Variants in EXT1 observed in about 807,000 individuals in gnomAD.
EXT1 encodes exostosin glycosyltransferase 1.
EXT1 carries 20 observed loss-of-function variants against 82.5 expected under a neutral mutation model. The observed-to-expected ratio is 0.24, with a 90% CI of 0.17 to 0.35. The LOEUF is 0.35. EXT1 is among the 10% of genes least tolerant of loss of function. The pLI, the probability that EXT1 is intolerant of heterozygous loss-of-function variation, is 1.00. For synonymous variants in EXT1, 348 were observed against 350.8 expected, an observed-to-expected ratio of 0.99 and a Z score of 0.09; for missense variants, 757 against 936.5, an observed-to-expected ratio of 0.81 and a Z score of 2.50.
intron 1 of EXT1, among the ~76,000 whole-genome samples, chr8:117,889,291 G>C (rs1448314722): frequency 2.0e-5 from 3 of 152,144 alleles, no homozygotes; most frequent in African/African-American, 7.2e-5. Context: ...CTATTTCCTT[G>C]AGTTTTCTGT....
chr8:117,827,893 A>G (rs996049985), intron 4 of EXT1, among the ~76,000 whole-genome samples: 7 of 151,802 alleles, frequency 4.6e-5, no homozygotes, highest in African/African-American at 7.3e-5. Flanking sequence ...TTGAATCTGC[A>G]CAATAATTTG....
At chr8:117,968,888 C>T (rs1423877504) in intron 1 of EXT1, among the ~76,000 whole-genome samples, 4 of 152,092 alleles carry the variant, frequency 2.6e-5, no homozygotes, top group Non-Finnish European at 5.9e-5. Flanking sequence ...TTATTTAAAG[C>T]AGTAAATATT....
At chr8:117,829,132 C>T (rs762761615) in intron 4 of EXT1, among the ~76,000 whole-genome samples, 1 of 152,144 alleles carries the variant, frequency 6.6e-6, no homozygotes, top group Non-Finnish European at 1.5e-5. Flanking sequence ...ATCACCTCAA[C>T]GAAGATCTCT....
chr8:117,865,119 T>C (rs556203751), intron 1 of EXT1, among the ~76,000 whole-genome samples: 5 of 152,248 alleles, frequency 3.3e-5, no homozygotes, highest in African/African-American at 1.2e-4. Context: ...CTCTGTAAAT[T>C]TCACTTCCCA....
intron 1 of EXT1, among the ~76,000 whole-genome samples, chr8:117,850,702 T>G (rs1812438089): frequency 6.6e-6 from 1 of 152,210 alleles, no homozygotes; most frequent in African/African-American, 2.4e-5. Context: ...TTTGAAATTT[T>G]TAATACTTGG....
chr8:117,899,144 C>A (rs893894181), intron 1 of EXT1, among the ~76,000 whole-genome samples: 1 of 152,176 alleles, frequency 6.6e-6, no homozygotes, highest in African/African-American at 2.4e-5. Flanking sequence ...AGAAGATGGT[C>A]TTCAGAATAA....
chr8:117,997,754 C>T (rs1401104908), intron 1 of EXT1, among the ~76,000 whole-genome samples: 3 of 152,132 alleles, frequency 2.0e-5, no homozygotes, highest in Non-Finnish European at 4.4e-5. Flanking sequence ...TGAGCTCATT[C>T]TGATGATATT....
Position 117,805,015 on chromosome 8 carries a change from A to AATG in EXT1, c.1884-125_1884-123dup, listed in dbSNP as rs369846524. 9.0e-4 allele frequency: 762 copies of AATG among 843,864 alleles called. 5 individuals are homozygous for AATG. In the African/African-American group the frequency reaches 0.011, roughly 12 times the overall value. 52.3% of individuals were successfully genotyped at this position (843,864 alleles called of 1,614,324 possible). On this transcript the variant is annotated intron_variant, in intron 9 of 10. Transcript: ENST00000378204. ...TAAACATGTCATGAATGGTAATGATAATGATGATGATGATGACGATAACTA... is the reference window on the plus strand; with the variant it reads ...TAAACATGTCATGAATGGTAATGATAATGATGATGATGATGATGACGATAACTA...
chr8:117,934,514 TC>T (rs1197424817), intron 1 of EXT1, among the ~76,000 whole-genome samples: 1 of 152,208 alleles, frequency 6.6e-6, no homozygotes, highest in Non-Finnish European at 1.5e-5. Context: ...CAGAGGCAGT[TC>T]CCACTGGGGA....
At chr8:117,832,985 C>A (rs2129779366) in intron 3 of EXT1, among the ~76,000 whole-genome samples, 1 of 152,244 alleles carries the variant, frequency 6.6e-6, no homozygotes, top group South Asian at 2.1e-4. Context: ...ACAAGAAAGT[C>A]ACATTAAGCT....
At chr8:118,055,978 A>T (rs892261468) in intron 1 of EXT1, among the ~76,000 whole-genome samples, 2 of 152,202 alleles carry the variant, frequency 1.3e-5, no homozygotes, top group Non-Finnish European at 2.9e-5. Context: ...TAACACAGGG[A>T]TGTCCAATCT....
chr8:117,866,829 G>A (rs1390715532), intron 1 of EXT1, among the ~76,000 whole-genome samples: 1 of 139,782 alleles, frequency 7.2e-6, no homozygotes, highest in East Asian at 2.1e-4. Flanking sequence ...AGTGCATTTT[G>A]TTCTGTTCAC....
intron 1 of EXT1, among the ~76,000 whole-genome samples, chr8:117,962,578 G>A (rs756804781): frequency 9.9e-5 from 15 of 151,968 alleles, no homozygotes; most frequent in African/African-American, 1.7e-4. Flanking sequence ...ATGGTGAAAC[G>A]CCCATCTCTA....
chr8:117,969,555 T>C (rs1814896388), intron 1 of EXT1, among the ~76,000 whole-genome samples: 1 of 152,240 alleles, frequency 6.6e-6, no homozygotes, highest in South Asian at 2.1e-4. Context: ...TGGAGCTGTT[T>C]CAATGTATAA....
At chr8:117,853,846 C>T (rs1425271569) in intron 1 of EXT1, among the ~76,000 whole-genome samples, 1 of 152,208 alleles carries the variant, frequency 6.6e-6, no homozygotes, top group Admixed American at 6.5e-5. Flanking sequence ...GTTTGAATGC[C>T]TGTGTTTTGT....
At chr8:117,991,634 T>C (rs561782270) in intron 1 of EXT1, among the ~76,000 whole-genome samples, 2 of 152,306 alleles carry the variant, frequency 1.3e-5, no homozygotes, top group African/African-American at 4.8e-5. Context: ...TGATCTCAGC[T>C]CACTGCAACC....
rs146407591 is a variant in EXT1, at chr8:117,835,507, T to C, written c.1101A>G (p.Pro367=). ...PVMLSNGWEL[P]FSEVINWNQA... ...GGTTCCAATTAATCACTTCAGAGAA[T>C]GGCAACTCCCATCCATTGCTGAGCA... Residue 367 remains proline (P), a synonymous_variant, in exon 3 of 11, where the codon CCA becomes CCG. Coordinates refer to ENST00000378204, the MANE Select transcript of EXT1 (RefSeq NM_000127.3). The C allele has an allele frequency of 1.2e-6, 2 of 1,614,152 alleles. No individual in the cohort carries two copies. Among genetic ancestry groups the C allele is most frequent in the Non-Finnish European group, 1.7e-6 (2 of 1,180,010 alleles).
chr8:118,040,276 A>G (rs1004390264), intron 1 of EXT1, among the ~76,000 whole-genome samples: 32 of 152,168 alleles, frequency 2.1e-4, no homozygotes, highest in African/African-American at 7.7e-4. Context: ...CAGAAATGGG[A>G]ATCCCAAGTG....
At chr8:117,970,383 A>C (rs1356669351) in intron 1 of EXT1, among the ~76,000 whole-genome samples, 1 of 151,060 alleles carries the variant, frequency 6.6e-6, no homozygotes, top group Non-Finnish European at 1.5e-5. Context: ...AGCTCACTGC[A>C]ACTCCGCCTC....
Sources: allele counts gnomAD v4.1 joint callset (sites outside exome capture counted in the v4.1 genomes callset), GRCh38; gene constraint gnomAD v4.1.1; transcripts MANE v1.5; gene names NCBI Gene and HGNC (gene_info 2026-07-23, HGNC 2026-07-21).